The following THSD7B variants were observed in gnomAD, a reference collection of about 807,000 sequenced individuals.
The protein encoded by THSD7B is thrombospondin type-1 domain-containing protein 7B.
A neutral mutation model predicts 213.6 loss-of-function variants in THSD7B; 138 were observed. That is an observed-to-expected ratio of 0.65 (90% CI 0.56 to 0.74). The LOEUF (loss-of-function observed/expected upper bound fraction) is 0.74, where lower values mean the gene tolerates loss of function less well. THSD7B is among the 30% of genes least tolerant of loss of function. The probability of loss-of-function intolerance (pLI) is 0.00; values close to 1 mark genes in which losing one functional copy is unlikely to be tolerated. For synonymous variants in THSD7B, 742 were observed against 687.0 expected (o/e 1.08, Z -1.25); for missense variants, 1,931 against 1,991.5 (o/e 0.97, Z 0.58).
intron 21 of THSD7B, among the ~76,000 whole-genome samples, chr2:137,647,856 C>A (rs114926531): frequency 6.6e-6 from 1 of 152,100 alleles, no homozygotes; most frequent in Non-Finnish European, 1.5e-5. Flanking sequence ...CTCATGTTAG[C>A]GTCCCCTCCT....
Position 137,232,989 on chromosome 2 carries a change from C to T in THSD7B, c.2006C>T (p.Pro669Leu), listed in dbSNP as rs1245164296. ...ATGCAGCTTCACTGGGAGACATCGC[C>T]TTGGGGCCCTTGTTCTGAGGACACA... is the stretch of plus-strand genomic sequence containing the variant. ...SCMQLHWETS[P>L]WGPCSEDTLV... is the part of the protein sequence containing the mutation. Residue 669 changes from proline to leucine, a missense_variant, in exon 9 of 28, where the codon CCT becomes CTT. Coordinates refer to ENST00000409968, the MANE Select transcript of THSD7B (RefSeq NM_001316349.2). The T allele has an allele frequency of 6.2e-7, 1 of 1,613,924 alleles. No homozygotes were observed. The highest frequency in any genetic ancestry group is 1.7e-5 in the Admixed American group (1 of 60,012).
intron 17 of THSD7B, among the ~76,000 whole-genome samples, chr2:137,581,219 A>G (rs1222141227): frequency 1.3e-5 from 2 of 152,190 alleles, no homozygotes; most frequent in Admixed American, 1.3e-4. Flanking sequence ...TTATTTTTAG[A>G]ATTTGTCATT....
chr2:137,653,417 CA>C (rs1378105676), intron 21 of THSD7B, among the ~76,000 whole-genome samples: 2 of 151,954 alleles, frequency 1.3e-5, no homozygotes, highest in African/African-American at 4.8e-5. Flanking sequence ...TTATTTGGGT[CA>C]TATCTGTTTG....
intron 12 of THSD7B, among the ~76,000 whole-genome samples, chr2:137,288,342 T>A (rs1463545132): frequency 6.6e-6 from 1 of 152,078 alleles, no homozygotes; most frequent in Non-Finnish European, 1.5e-5. Context: ...AATCACTCTT[T>A]TAGCTGAGGT....
At chr2:137,478,074 C>A (rs527254779) in intron 15 of THSD7B, among the ~76,000 whole-genome samples, 2 of 152,122 alleles carry the variant, frequency 1.3e-5, no homozygotes, top group African/African-American at 2.4e-5. Context: ...TGGTGAAGAT[C>A]TTTTTAATTA....
chr2:137,403,217 T>C (rs1686417076), intron 12 of THSD7B, among the ~76,000 whole-genome samples: 1 of 152,182 alleles, frequency 6.6e-6, no homozygotes, highest in Non-Finnish European at 1.5e-5. Context: ...GCATCCATTG[T>C]CATCTTAGCT....
intron 5 of THSD7B, among the ~76,000 whole-genome samples, chr2:137,135,430 CA>C (rs1293105645): frequency 6.6e-6 from 1 of 152,200 alleles, no homozygotes; most frequent in African/African-American, 2.4e-5. Flanking sequence ...GCTCCCTGTG[CA>C]GCTCAGGAGC....
At chr2:137,143,679 A>G (rs1284559449) in intron 5 of THSD7B, among the ~76,000 whole-genome samples, 1 of 152,150 alleles carries the variant, frequency 6.6e-6, no homozygotes, top group Non-Finnish European at 1.5e-5. Context: ...TTTAGCAAGT[A>G]AATTGAACAC....
chr2:137,247,119 T>C (rs552661046), intron 10 of THSD7B, among the ~76,000 whole-genome samples: 1 of 152,322 alleles, frequency 6.6e-6, no homozygotes, highest in South Asian at 2.1e-4. Context: ...TGGAATTAAT[T>C]ATGTTGGCCA....
At chr2:136,844,589 A>G (rs575496273) in intron 1 of THSD7B, among the ~76,000 whole-genome samples, 1 of 152,248 alleles carries the variant, frequency 6.6e-6, no homozygotes, top group East Asian at 1.9e-4. Flanking sequence ...GGAATTGGAA[A>G]CTCATGAAAG....
At chr2:137,323,177 C>T (rs200076091) in intron 12 of THSD7B, among the ~76,000 whole-genome samples, 23 of 152,150 alleles carry the variant, frequency 1.5e-4, no homozygotes, top group East Asian at 5.8e-4. Context: ...TCAGAAATGA[C>T]GGAGTTAAAA....
At chr2:137,642,671 G>T in intron 21 of THSD7B, 38 bp downstream of exon 21, 1 of 1,606,876 alleles carries the variant, frequency 6.2e-7, no homozygotes. Context: ...ATATTCATCA[G>T]TATATTCGAA....
At chr2:137,140,583 AT>A (rs1490750160) in intron 5 of THSD7B, among the ~76,000 whole-genome samples, 5 of 110,628 alleles carry the variant, frequency 4.5e-5, no homozygotes, top group African/African-American at 1.4e-4. Context: ...AGTTCTAAAT[AT>A]TTTCATTATT....
At chr2:136,811,847 ATGG>A (rs2104930718) in intron 1 of THSD7B, among the ~76,000 whole-genome samples, 1 of 152,222 alleles carries the variant, frequency 6.6e-6, no homozygotes, top group Admixed American at 6.5e-5. Context: ...GTGCTCAGTC[ATGG>A]TTGTCCTCTT....
chr2:137,236,819 A>G (rs1681773659), intron 9 of THSD7B, among the ~76,000 whole-genome samples: 1 of 152,140 alleles, frequency 6.6e-6, no homozygotes, highest in Non-Finnish European at 1.5e-5. Flanking sequence ...GCTTATAAGA[A>G]GCTGAAGCTA....
At chr2:137,203,352 A>T (rs1680916507) in intron 7 of THSD7B, among the ~76,000 whole-genome samples, 1 of 152,074 alleles carries the variant, frequency 6.6e-6, no homozygotes, top group South Asian at 2.1e-4. Context: ...TAATTGTTTC[A>T]GATTGTCTGG....
intron 12 of THSD7B, among the ~76,000 whole-genome samples, chr2:137,278,075 C>A (rs1302299755): frequency 6.6e-6 from 1 of 151,926 alleles, no homozygotes; most frequent in Non-Finnish European, 1.5e-5. Flanking sequence ...AAAGGAATGT[C>A]TGAATAAGGA....
chr2:136,976,758 A>C (rs1451942095), intron 2 of THSD7B, among the ~76,000 whole-genome samples: 1 of 152,012 alleles, frequency 6.6e-6, no homozygotes, highest in Non-Finnish European at 1.5e-5. Context: ...AGTAGCTAGG[A>C]CTACAGGCGC....
chr2:137,216,351 T>G (rs1681243225), intron 7 of THSD7B, among the ~76,000 whole-genome samples: 3 of 141,654 alleles, frequency 2.1e-5, no homozygotes. Flanking sequence ...AGAAACAATA[T>G]TGCATTCTCT....
Sources: gnomAD v4.1 joint callset for allele counts (sites outside exome capture counted in the v4.1 genomes callset) on GRCh38, gnomAD v4.1.1 for gene constraint, MANE v1.5 for transcripts, NCBI Gene and HGNC (gene_info 2026-07-23, HGNC 2026-07-21) for gene names.